The following ASTN2 variants were observed in gnomAD, a reference collection of about 807,000 sequenced individuals.
The protein encoded by ASTN2 is astrotactin-2.
ASTN2 carries 54 observed loss-of-function variants against 139.8 expected under a neutral mutation model. The ratio of observed to expected loss-of-function variants is 0.39; its 90% confidence interval spans 0.31 to 0.48. The LOEUF is 0.48. ASTN2 is among the 20% of genes least tolerant of loss of function. The probability of loss-of-function intolerance (pLI) is 0.95; values close to 1 mark genes in which losing one functional copy is unlikely to be tolerated. For synonymous variants in ASTN2, 756 were observed against 719.5 expected, an observed-to-expected ratio of 1.05 and a Z score of -0.81; for missense variants, 1,565 against 1,725.1, an observed-to-expected ratio of 0.91 and a Z score of 1.64.
intron 10 of ASTN2, among the ~76,000 whole-genome samples, chr9:116,891,303 C>G (rs1209830267): frequency 3.9e-5 from 6 of 152,168 alleles, no homozygotes. Flanking sequence ...TTTGTTTACT[C>G]AACAGATATT....
chr9:116,763,449 C>T (rs910730330), intron 13 of ASTN2, among the ~76,000 whole-genome samples: 6 of 152,144 alleles, frequency 3.9e-5, no homozygotes, highest in South Asian at 4.1e-4. Context: ...TCAGCGCCCC[C>T]GAAAACCATC....
In ASTN2 at chr9:116,699,739, G is replaced by A. The variant is rs777277975; in HGVS notation, c.2806+26032C>T. ...AATTATCAGTTTCTTCTGCTCCCAA[G>A]CCAACTTCCCTTCCCTTAGTTCTTG... On this transcript the variant is annotated intron_variant, in intron 16 of 22. Coordinates refer to ENST00000313400, the MANE Select transcript of ASTN2 (RefSeq NM_001365068.1). This position sits in a 1 kb window ranked among gnomAD's most constrained non-coding sequence, Gnocchi z 4.2. 9 of 1,613,884 alleles carry A rather than the reference G, an allele frequency of 5.6e-6. No homozygotes were observed. The highest frequency in any genetic ancestry group is 7.6e-6 in the Non-Finnish European group (9 of 1,180,002).
At chr9:117,279,784 C>G (rs536759517) in intron 2 of ASTN2, among the ~76,000 whole-genome samples, 1 of 152,250 alleles carries the variant, frequency 6.6e-6, no homozygotes, top group South Asian at 2.1e-4. Context: ...TTAACTAAAC[C>G]ACAGACCTTA....
chr9:116,681,735 T>C (rs533047519), intron 16 of ASTN2, among the ~76,000 whole-genome samples: 346 of 152,292 alleles, frequency 2.3e-3, no homozygotes, highest in African/African-American at 7.9e-3. Flanking sequence ...TCTACAACTA[T>C]CTGATCTTTG....
intron 1 of ASTN2, among the ~76,000 whole-genome samples, chr9:117,312,366 G>A (rs1334361092): frequency 6.6e-6 from 1 of 152,132 alleles, no homozygotes; most frequent in Non-Finnish European, 1.5e-5. Context: ...GTGCTACAAG[G>A]TCTTTAACAA....
intron 2 of ASTN2, among the ~76,000 whole-genome samples, chr9:117,284,401 G>A (rs1046440454): frequency 2.0e-5 from 3 of 152,202 alleles, no homozygotes; most frequent in African/African-American, 7.2e-5. Context: ...CACCGCACCT[G>A]GCCTCTGGTG....
At chr9:116,545,718 A>C (rs935546575) in intron 19 of ASTN2, 2 of 152,194 alleles carry the variant, frequency 1.3e-5, no homozygotes, top group Non-Finnish European at 2.9e-5. Context: ...TCAGTGTCAA[A>C]ATTCATTCAA....
chr9:116,761,768 T>G (rs148938224), intron 13 of ASTN2, among the ~76,000 whole-genome samples: 1 of 152,106 alleles, frequency 6.6e-6, no homozygotes, highest in African/African-American at 2.4e-5. Flanking sequence ...CTGGGCACAA[T>G]GAGGAGGCCC....
chr9:117,310,010 C>T (rs950280063), intron 1 of ASTN2, among the ~76,000 whole-genome samples: 1 of 152,134 alleles, frequency 6.6e-6, no homozygotes, highest in African/African-American at 2.4e-5. Flanking sequence ...CTTTCTGAGC[C>T]TGTTTCTTCA....
chr9:117,142,965 G>A (rs116699078), intron 3 of ASTN2, among the ~76,000 whole-genome samples: 1,768 of 152,148 alleles, frequency 0.012, 40 homozygotes, highest in African/African-American at 0.04. Context: ...TCTTTGAAGG[G>A]GCTTCATCAG....
chr9:116,595,944 T>C (rs112695359), intron 19 of ASTN2, among the ~76,000 whole-genome samples: 3,429 of 152,180 alleles, frequency 0.023, 127 homozygotes, highest in African/African-American at 0.078. Context: ...TCCAAAATAA[T>C]TGAAATCAGG....
chr9:116,605,254 G>C (rs2131775417), intron 19 of ASTN2, among the ~76,000 whole-genome samples: 1 of 152,248 alleles, frequency 6.6e-6, no homozygotes, highest in South Asian at 2.1e-4. Flanking sequence ...GGGCAGAAAA[G>C]GGGCACTGAC....
intron 1 of ASTN2, among the ~76,000 whole-genome samples, chr9:117,359,357 GAACAA>G (rs1336362633): frequency 1.3e-5 from 2 of 152,134 alleles, no homozygotes; most frequent in African/African-American, 4.8e-5. Context: ...CCTCCAATAG[GAACAA>G]CTGATGTGGC....
intron 20 of ASTN2, among the ~76,000 whole-genome samples, chr9:116,462,109 A>T (rs1848504834): frequency 1.3e-5 from 2 of 152,300 alleles, no homozygotes; most frequent in Middle Eastern, 3.4e-3. Context: ...GCCAGGGTTT[A>T]AACCCAAGCC....
chr9:117,054,508 A>C (rs1204292308), intron 5 of ASTN2, among the ~76,000 whole-genome samples: 1 of 152,204 alleles, frequency 6.6e-6, no homozygotes. Context: ...CAATAAACAG[A>C]GGTAGCAGAG....
intron 13 of ASTN2, among the ~76,000 whole-genome samples, chr9:116,749,538 C>T (rs978693845): frequency 6.6e-6 from 1 of 152,152 alleles, no homozygotes; most frequent in Non-Finnish European, 1.5e-5. Context: ...AGCAATGCTC[C>T]CAGCACCATA....
intron 19 of ASTN2, among the ~76,000 whole-genome samples, chr9:116,574,788 GCAA>G (rs1238183721): frequency 2.0e-5 from 3 of 152,152 alleles, no homozygotes; most frequent in African/African-American, 7.2e-5. Context: ...ATGTATCAGG[GCAA>G]CATCTCTGCT....
intron 13 of ASTN2, among the ~76,000 whole-genome samples, chr9:116,781,885 G>A (rs7021928): frequency 0.35 from 53,784 of 151,800 alleles, 10,397 homozygotes; most frequent in African/African-American, 0.52. Flanking sequence ...TTTGACATGT[G>A]TTATTTTATA....
rs377481076 is a variant in ASTN2 at position 116,745,646 on chromosome 9, A to G, written c.2397-12123T>C. Reference sequence around the variant, plus strand: ...CCACAGTCTGATTCCAGGGTTTGGTATAGACACAGTCCCTAATAGCTGTTC... The same window carrying G: ...CCACAGTCTGATTCCAGGGTTTGGTGTAGACACAGTCCCTAATAGCTGTTC... On this transcript the variant is annotated intron_variant, in intron 13 of 22. Transcript: ENST00000313400. 2.6e-4 allele frequency among the ~76,000 whole-genome samples: 39 copies of G among 152,238 alleles called. No homozygotes were observed. In the East Asian group the frequency reaches 3.7e-3, roughly 14 times the overall value.
Sources: gnomAD v4.1 joint callset for allele counts (sites outside exome capture counted in the v4.1 genomes callset) on GRCh38, gnomAD v4.1.1 for gene constraint, Gnocchi (gnomAD v3.1) non-coding constraint, MANE v1.5 for transcripts, NCBI Gene and HGNC (gene_info 2026-07-23, HGNC 2026-07-21) for gene names.